TOX4: variants seen among roughly 807,000 people sequenced by gnomAD.
TOX4 encodes the protein epidermal Langerhans cell protein LCP1.
In TOX4, 12 loss-of-function variants were observed where a neutral mutation model predicts 61.0. The observed-to-expected ratio is 0.20, with a 90% CI of 0.13 to 0.32. The LOEUF (loss-of-function observed/expected upper bound fraction) is 0.32. Among genes scored for constraint, TOX4 ranks in the 10% least tolerant of loss-of-function variants. The pLI is 1.00. For missense variants in TOX4, 499 were observed against 753.3 expected (o/e 0.66, Z 3.95); for synonymous variants, 268 against 274.8 (o/e 0.98, Z 0.24).
chr14:21,478,506 G>A (rs1264813609), intron 2 of TOX4, among the ~76,000 whole-genome samples: 2 of 113,616 alleles, frequency 1.8e-5, no homozygotes, highest in Non-Finnish European at 4.0e-5. Flanking sequence ...ACCCTGAAGT[G>A]TTCGTTAAAA....
Position 21,487,573 on chromosome 14 carries a change from C to A in TOX4, c.198C>A (p.Ser66=), listed in dbSNP as rs115542444. Residue 66 remains serine, a synonymous_variant, in exon 3 of 9, where the codon TCC becomes TCA. Transcript: ENST00000448790. ...ACTTTGATGACCTGGCAGACCCTTC[C>A]TCTTCACAGGATGGCAGTTTTTCAG... ...VGHFDDLADP[S]SSQDGSFSAQ... is the part of the protein sequence containing the mutation. 4.4e-4 allele frequency: 707 copies of A among 1,614,176 alleles called. 3 individuals carry two copies. In the African/African-American group the frequency reaches 8.8e-3, roughly 20 times the overall value.
chr14:21,480,764 A>G (rs1197785928), intron 2 of TOX4, among the ~76,000 whole-genome samples: 1 of 152,222 alleles, frequency 6.6e-6, no homozygotes, highest in African/African-American at 2.4e-5. Context: ...TATATCAAGT[A>G]CTTCTGCAGA....
At chr14:21,482,311 A>G (rs918598878) in intron 2 of TOX4, among the ~76,000 whole-genome samples, 9 of 152,200 alleles carry the variant, frequency 5.9e-5, no homozygotes, top group African/African-American at 7.2e-5. Flanking sequence ...TTTCACTACT[A>G]CATCAGTTTT....
intron 5 of TOX4, among the ~76,000 whole-genome samples, chr14:21,490,911 C>T (rs528632147): frequency 6.6e-6 from 1 of 152,280 alleles, no homozygotes; most frequent in African/African-American, 2.4e-5. Context: ...CTGCAACTTC[C>T]ACCTCCTGGG....
rs1412935062 is a variant in TOX4, at chr14:21,477,342, AG to A, written c.6+61del. 5.4e-5 allele frequency: 87 copies of A among 1,613,770 alleles called. No individual in the cohort carries two copies. In the African/African-American group the frequency reaches 7.7e-4, roughly 14 times the overall value. ...AGAACGCGGCCGACCGGGTTGAAGCAGGGACGGGAAGCCGGGCGGAGAGGCG... is the reference window on the plus strand; with the variant it reads ...AGAACGCGGCCGACCGGGTTGAAGCAGGACGGGAAGCCGGGCGGAGAGGCG... On this transcript the variant is annotated intron_variant, in intron 1 of 8. Coordinates refer to ENST00000448790, the MANE Select transcript of TOX4 (RefSeq NM_014828.4).
intron 2 of TOX4, among the ~76,000 whole-genome samples, chr14:21,481,815 A>G (rs544544313): frequency 6.6e-6 from 1 of 152,234 alleles, no homozygotes; most frequent in East Asian, 1.9e-4. Flanking sequence ...AAAGACAGAC[A>G]TAAAAGAGAA....
Position 21,493,100 on chromosome 14 carries a change from G to C in TOX4, c.1484G>C (p.Ser495Thr), listed in dbSNP as rs756250122. The change falls in exon 7 of 9, where the codon AGT (serine) becomes ACT (threonine). Residue 495 changes from serine to threonine, a missense_variant. Around this residue, in one of 7 missense-constraint regions of TOX4, gnomAD observed 296 missense variants for 404.7 expected, o/e 0.73. Coordinates refer to ENST00000448790, the MANE Select transcript of TOX4 (RefSeq NM_014828.4). ...CAGCCTCCTCCTCTGCAGATCAAGAGTGTGCCTCTACCCACTTTGAAAATG... is the reference window on the plus strand; with the variant it reads ...CAGCCTCCTCCTCTGCAGATCAAGACTGTGCCTCTACCCACTTTGAAAATG... ...QQQPPPLQIK[S>T]VPLPTLKMQT... The C allele has an allele frequency of 1.9e-6, 3 of 1,614,118 alleles. No individual in the cohort carries two copies. Among genetic ancestry groups the C allele is most frequent in the Non-Finnish European group, 2.5e-6 (3 of 1,180,024 alleles).
At chr14:21,487,197 C>T (rs2297093) in intron 2 of TOX4, among the ~76,000 whole-genome samples, 76,413 of 151,982 alleles carry the variant, frequency 0.5, 19,376 homozygotes, top group East Asian at 0.63. Flanking sequence ...ACAAAAGAGA[C>T]GGTAATGGTA....
chr14:21,477,216 C>G lies in TOX4; in HGVS notation c.-63C>G. On this transcript the variant is annotated 5_prime_UTR_variant, in exon 1 of 9. Transcript: ENST00000448790. ...CGTCCTTGCGGAAGTGACGGCAGTTCCGAGTCCAGTGGGGGCGGTGGGAGC... is the reference window on the plus strand; with the variant it reads ...CGTCCTTGCGGAAGTGACGGCAGTTGCGAGTCCAGTGGGGGCGGTGGGAGC... 1.9e-6 allele frequency: 3 copies of G among 1,613,952 alleles called. No individual in the cohort carries two copies. Among genetic ancestry groups the G allele is most frequent in the Non-Finnish European group, 1.7e-6 (2 of 1,179,854 alleles).
At chr14:21,483,014 T>A (rs1435680725) in intron 2 of TOX4, among the ~76,000 whole-genome samples, 2 of 152,234 alleles carry the variant, frequency 1.3e-5, no homozygotes, top group Non-Finnish European at 2.9e-5. Context: ...ATAGAAAGAA[T>A]GCCTTGTCGA....
At chr14:21,481,356 T>C (rs1192538546) in intron 2 of TOX4, among the ~76,000 whole-genome samples, 3 of 152,190 alleles carry the variant, frequency 2.0e-5, no homozygotes, top group African/African-American at 7.2e-5. Context: ...TTTTTGTATT[T>C]TTGGTAGAGA....
At chr14:21,478,472 A>C (rs1891047158) in intron 2 of TOX4, among the ~76,000 whole-genome samples, 1 of 151,778 alleles carries the variant, frequency 6.6e-6, no homozygotes. Flanking sequence ...GCTGTTTTAA[A>C]GTAGAAGTAA....
intron 2 of TOX4, chr14:21,482,404 T>G (rs1891120797): frequency 3.4e-6 from 1 of 295,018 alleles, no homozygotes; most frequent in Non-Finnish European, 6.8e-6. Flanking sequence ...TTCTCTAAAG[T>G]GAATGATCTA....
rs1203832481 is a variant in TOX4 at position 21,498,219 on chromosome 14, G to A, written c.*1613G>A. 3.4e-6 allele frequency: 4 copies of A among 1,173,008 alleles called. No homozygotes were observed. The highest frequency in any genetic ancestry group is 1.5e-5 in the African/African-American group (1 of 66,196). The allele number at this position is 1,173,008 out of a possible 1,614,324, so 72.7% of individuals were successfully genotyped here. A position where few individuals can be genotyped will look rare whatever the true frequency, so the allele number is the denominator to read the frequency against. ...TCACTCTTCAGGTTTAGCTTACAGA[G>A]CCATGGCTATGGATTCTTAGCTCTG... On this transcript the variant is annotated 3_prime_UTR_variant, in exon 9 of 9. Transcript: ENST00000448790.
At position 21,496,552 on chromosome 14, in the gene TOX4, A is replaced by G. The variant is rs1384143526; in HGVS notation, c.1812A>G (p.Val604=). The change falls in exon 9 of 9, where the codon GTA becomes GTG. Residue 604 remains valine, a synonymous_variant. Transcript: ENST00000448790. ...NECVVKHCRD[V]FLAWVASRNS... ...ATGTCTTTTTCTCTCTTAGGGATGT[A>G]TTCTTGGCCTGGGTAGCCTCTAGAA... 6.2e-7 allele frequency: 1 copy of G among 1,612,326 alleles called. No homozygotes were observed. The highest frequency in any genetic ancestry group is 1.7e-5 in the Admixed American group (1 of 59,998).
At chr14:21,490,006 A>AC (rs1289991704) in intron 5 of TOX4, among the ~76,000 whole-genome samples, 4 of 150,916 alleles carry the variant, frequency 2.7e-5, no homozygotes, top group Admixed American at 6.6e-5. Flanking sequence ...ACATAGGGAG[A>AC]CCCCCGTCTC....
intron 2 of TOX4, 43 bp downstream of exon 2, chr14:21,477,607 A>G: frequency 6.2e-7 from 1 of 1,607,490 alleles, no homozygotes; most frequent in South Asian, 1.1e-5. Flanking sequence ...GGCCTGAGGC[A>G]GCGGTGGGGT....
rs367611291 is a variant in TOX4 at position 21,495,395 on chromosome 14, G to A, written c.1805+3G>A. 2 of 1,611,298 alleles carry A rather than the reference G, an allele frequency of 1.2e-6. No individual in the cohort carries two copies. The highest frequency in any genetic ancestry group is 2.2e-5 in the South Asian group (2 of 90,598). On this transcript the variant is annotated splice_donor_region_variant and intron_variant, in intron 8 of 8. Transcript: ENST00000448790. ...GAGTGTGTGGTGAAGCACTGCAGGT[G>A]AGCTTACAGTTCTCCCTTTTATAAT...
chr14:21,491,537 T>G (rs771651840), intron 5 of TOX4, among the ~76,000 whole-genome samples: 15 of 108,798 alleles, frequency 1.4e-4, no homozygotes, highest in Non-Finnish European at 3.0e-4. Flanking sequence ...TTTGTTTTTG[T>G]TTTTTTTAGT....
Sources: allele counts gnomAD v4.1 joint callset (sites outside exome capture counted in the v4.1 genomes callset), GRCh38; gene constraint gnomAD v4.1.1; regional missense constraint gnomAD v4.1.1; transcripts MANE v1.5; gene names NCBI Gene and HGNC (gene_info 2026-07-23, HGNC 2026-07-21).